The following MYO3B variants were observed in gnomAD, a reference collection of about 807,000 sequenced individuals.
MYO3B encodes the protein myosin IIIB, also known as myosin-IIIb.
MYO3B carries 156 observed loss-of-function variants against 174.6 expected under a neutral mutation model. That is an observed-to-expected ratio of 0.89 (90% CI 0.78 to 1.02). The LOEUF (loss-of-function observed/expected upper bound fraction) is 1.02, where lower values mean the gene tolerates loss of function less well. Among genes scored for constraint, MYO3B ranks in the 50% least tolerant of loss-of-function variants. The pLI, the probability that MYO3B is intolerant of heterozygous loss-of-function variation, is 0.00. For synonymous variants in MYO3B, 563 were observed against 569.1 expected (o/e 0.99, Z 0.15); for missense variants, 1,632 against 1,639.4 (o/e 1.00, Z 0.08).
intron 7 of MYO3B, among the ~76,000 whole-genome samples, chr2:170,271,456 T>G (rs556610978): frequency 1.3e-5 from 2 of 152,254 alleles, no homozygotes; most frequent in East Asian, 3.9e-4. Context: ...TAGAATATAT[T>G]TTCAACTCTC....
intron 28 of MYO3B, among the ~76,000 whole-genome samples, chr2:170,513,765 C>A (rs1422825223): frequency 6.6e-6 from 1 of 152,052 alleles, no homozygotes; most frequent in Non-Finnish European, 1.5e-5. Flanking sequence ...TTTGAGGCAG[C>A]TAGAAATGTT....
chr2:170,360,913 G>C (rs11678279), intron 8 of MYO3B, among the ~76,000 whole-genome samples: 25,395 of 152,242 alleles, frequency 0.17, 2,330 homozygotes, highest in Middle Eastern at 0.24. Flanking sequence ...TCAGCCGTCA[G>C]AACTGTGAGA....
chr2:170,258,889 G>C (rs926789891), intron 7 of MYO3B, among the ~76,000 whole-genome samples: 1 of 152,032 alleles, frequency 6.6e-6, no homozygotes, highest in South Asian at 2.1e-4. Context: ...CAAAATTATC[G>C]TACAAAAATC....
chr2:170,237,150 G>A (rs929960345), intron 7 of MYO3B, among the ~76,000 whole-genome samples: 1 of 152,158 alleles, frequency 6.6e-6, no homozygotes, highest in Non-Finnish European at 1.5e-5. Flanking sequence ...AGGTCACAGC[G>A]ATTAGAGGAG....
chr2:170,471,210 C>T (rs1684958987), intron 25 of MYO3B, among the ~76,000 whole-genome samples: 1 of 151,914 alleles, frequency 6.6e-6, no homozygotes, highest in Admixed American at 6.6e-5. Context: ...CCACCATGCC[C>T]TGCTAATTTT....
intron 30 of MYO3B, among the ~76,000 whole-genome samples, chr2:170,532,611 G>A (rs1404889125): frequency 3.3e-5 from 5 of 151,946 alleles, no homozygotes; most frequent in South Asian, 2.1e-4. Context: ...TCAGGAGTTC[G>A]AGACCAGCCT....
At chr2:170,578,021 G>A (rs938190676) in intron 32 of MYO3B, among the ~76,000 whole-genome samples, 1 of 152,138 alleles carries the variant, frequency 6.6e-6, no homozygotes, top group African/African-American at 2.4e-5. Flanking sequence ...TGTTTTTCCT[G>A]TTTAATATTT....
chr2:170,460,897 T>C (rs1559023162), intron 23 of MYO3B, among the ~76,000 whole-genome samples: 23 of 152,204 alleles, frequency 1.5e-4, no homozygotes, highest in African/African-American at 4.8e-5. Flanking sequence ...AATTTTCTTA[T>C]AAGAGTATTC....
rs202200514 is a variant in MYO3B at position 170,214,803 on chromosome 2, A to G, written c.501A>G (p.Glu167=). Reference sequence around the variant, plus strand: ...GGAATAACATTCTTCTGACAACAGAAGGAGGAGTTAAGCTCGTTGACTTTG... The same window carrying G: ...GGAATAACATTCTTCTGACAACAGAGGGAGGAGTTAAGCTCGTTGACTTTG... ...VKGNNILLTT[E]GGVKLVDFGV... The change falls in exon 5 of 35, where the codon GAA becomes GAG. Residue 167 remains glutamate, a synonymous_variant. Coordinates refer to ENST00000408978, the MANE Select transcript of MYO3B (RefSeq NM_138995.5). The G allele has an allele frequency of 3.9e-4, 632 of 1,613,930 alleles. No homozygotes were observed. Among genetic ancestry groups the G allele is most frequent in the Non-Finnish European group, 5.2e-4 (611 of 1,179,920 alleles).
intron 22 of MYO3B, among the ~76,000 whole-genome samples, chr2:170,421,692 C>T (rs17579939): frequency 0.22 from 33,499 of 152,088 alleles, 4,496 homozygotes; most frequent in Non-Finnish European, 0.3. Context: ...AACTTCACAC[C>T]TTCCTGGCTC....
At chr2:170,547,356 A>G (rs1440686865) in intron 32 of MYO3B, among the ~76,000 whole-genome samples, 1 of 144,140 alleles carries the variant, frequency 6.9e-6, no homozygotes, top group African/African-American at 2.5e-5. Flanking sequence ...AAGTGTCCCT[A>G]AACTGGCCCA....
chr2:170,240,952 A>G (rs750365004), intron 7 of MYO3B, among the ~76,000 whole-genome samples: 13 of 152,178 alleles, frequency 8.5e-5, no homozygotes, highest in Non-Finnish European at 1.8e-4. Flanking sequence ...ATTGTGGAAT[A>G]CATGTTACAT....
At chr2:170,619,734 A>ATACTTTTTTTTTTTT (rs1553539463) in intron 32 of MYO3B, among the ~76,000 whole-genome samples, 3 of 33,520 alleles carry the variant, frequency 8.9e-5, no homozygotes, top group Non-Finnish European at 2.2e-4. Flanking sequence ...CTGCTGCCAT[A>ATACTTTTTTTTTTTT]TTCTTTTTTT....
intron 6 of MYO3B, among the ~76,000 whole-genome samples, chr2:170,225,331 T>C (rs1189677792): frequency 6.6e-6 from 1 of 152,220 alleles, no homozygotes; most frequent in East Asian, 1.9e-4. Context: ...AACCCAGATA[T>C]TTGTCTCCAA....
intron 7 of MYO3B, among the ~76,000 whole-genome samples, chr2:170,253,708 C>T (rs1233123979): frequency 6.6e-6 from 1 of 151,814 alleles, no homozygotes; most frequent in African/African-American, 2.4e-5. Context: ...GAAGGAGTAG[C>T]CATTGAGATA....
intron 7 of MYO3B, 120 bp from the exon 8 acceptor site, chr2:170,335,265 C>T (rs2093939339): frequency 1.3e-6 from 1 of 754,592 alleles, no homozygotes; most frequent in Non-Finnish European, 2.2e-6. Context: ...AAATGACTCT[C>T]ATATGAGAAC....
intron 32 of MYO3B, among the ~76,000 whole-genome samples, chr2:170,642,974 T>C (rs1307282676): frequency 6.6e-6 from 1 of 151,686 alleles, no homozygotes; most frequent in Non-Finnish European, 1.5e-5. Flanking sequence ...AAAGATTTAA[T>C]ATGGTCAAGC....
chr2:170,469,101 G>A (rs1177681021), intron 25 of MYO3B, among the ~76,000 whole-genome samples: 2 of 152,050 alleles, frequency 1.3e-5, no homozygotes, highest in Non-Finnish European at 2.9e-5. Context: ...GTGCCACTGC[G>A]CTCCAGCCAG....
intron 25 of MYO3B, among the ~76,000 whole-genome samples, chr2:170,474,739 G>A (rs1392806688): frequency 8.7e-5 from 5 of 57,494 alleles, no homozygotes; most frequent in African/African-American, 1.4e-4. Context: ...GTGAAACTCC[G>A]TCTCAAAAAA....
Sources: gnomAD v4.1 joint callset for allele counts (sites outside exome capture counted in the v4.1 genomes callset) on GRCh38, gnomAD v4.1.1 for gene constraint, MANE v1.5 for transcripts, NCBI Gene and HGNC (gene_info 2026-07-23, HGNC 2026-07-21) for gene names.